RASGRF2: variants seen among roughly 807,000 people sequenced by gnomAD.
RASGRF2 encodes ras-specific guanine nucleotide-releasing factor 2.
In RASGRF2, 76 loss-of-function variants were observed where a neutral mutation model predicts 151.0. The ratio of observed to expected loss-of-function variants is 0.50; its 90% CI spans 0.42 to 0.61. The LOEUF is 0.61. Ranked by LOEUF, RASGRF2 falls within the 20% of genes least tolerant of loss-of-function variation. RASGRF2 has a pLI of 0.00. For missense variants in RASGRF2, 1,148 were observed against 1,564.6 expected, an observed-to-expected ratio of 0.73 and a Z score of 4.49; for synonymous variants, 504 against 566.5, an observed-to-expected ratio of 0.89 and a Z score of 1.57.
chr5:81,112,276 A>T (rs1753017036), intron 13 of RASGRF2, among the ~76,000 whole-genome samples: 1 of 152,252 alleles, frequency 6.6e-6, no homozygotes, highest in Non-Finnish European at 1.5e-5. Flanking sequence ...AAATTTTTAA[A>T]ATACAGGATA....
chr5:81,140,885 A>T (rs1455724030), intron 17 of RASGRF2, among the ~76,000 whole-genome samples: 1 of 152,054 alleles, frequency 6.6e-6, no homozygotes, highest in Non-Finnish European at 1.5e-5. Flanking sequence ...CTAAGTAGGG[A>T]TGGAGAGGTG....
chr5:81,194,908 G>A (rs1755229071), intron 18 of RASGRF2, among the ~76,000 whole-genome samples: 1 of 152,182 alleles, frequency 6.6e-6, no homozygotes, highest in Admixed American at 6.5e-5. Context: ...AGAGCTATGG[G>A]CTCCTTTTCA....
intron 1 of RASGRF2, among the ~76,000 whole-genome samples, chr5:80,962,556 TCTCAAA>T (rs1747596797): frequency 6.6e-6 from 1 of 152,096 alleles, no homozygotes; most frequent in Admixed American, 6.5e-5. Flanking sequence ...ATTTACTTAA[TCTCAAA>T]TTATTTGTTT....
intron 12 of RASGRF2, among the ~76,000 whole-genome samples, chr5:81,104,123 A>C (rs1752778150): frequency 6.6e-6 from 1 of 152,130 alleles, no homozygotes; most frequent in Non-Finnish European, 1.5e-5. Flanking sequence ...ATTGGAATGG[A>C]AAAAAAGAGG....
chr5:81,128,954 C>G lies in RASGRF2; in HGVS notation c.2686+1791C>G, dbSNP rs184870725. Among the ~76,000 whole-genome samples, 50 of 151,674 alleles carry G rather than the reference C, an allele frequency of 3.3e-4. No homozygotes were observed. The East Asian group carries it at 8.5e-3, about 26-fold the overall frequency. On this transcript the variant is annotated intron_variant, in intron 17 of 26. Transcript: ENST00000265080. The stretch of plus-strand genomic sequence containing the variant: ...AGGGGTTCAAGACCAGCCTGGCCAA[C>G]ATGATGAATCCCCATCTCTACTAAA...
At chr5:81,040,719 A>G (rs979631082) in intron 1 of RASGRF2, among the ~76,000 whole-genome samples, 9 of 152,090 alleles carry the variant, frequency 5.9e-5, no homozygotes, top group African/African-American at 2.2e-4. Flanking sequence ...TTGTTTCTAC[A>G]CCTGAGGATT....
At chr5:81,146,831 C>T (rs1754017718) in intron 17 of RASGRF2, among the ~76,000 whole-genome samples, 1 of 152,156 alleles carries the variant, frequency 6.6e-6, no homozygotes, top group Admixed American at 6.5e-5. Context: ...CACCCAAATT[C>T]AAAGTGTTAT....
intron 1 of RASGRF2, among the ~76,000 whole-genome samples, chr5:81,027,109 G>C (rs1750063132): frequency 6.6e-6 from 1 of 152,072 alleles, no homozygotes; most frequent in Non-Finnish European, 1.5e-5. Context: ...ATATTAGCCA[G>C]CTTGTGAAAC....
chr5:81,091,700 A>C (rs549759121), intron 9 of RASGRF2, among the ~76,000 whole-genome samples: 1 of 152,170 alleles, frequency 6.6e-6, no homozygotes, highest in Admixed American at 6.5e-5. Context: ...TATATGGAGA[A>C]CTTTAGTGGT....
In RASGRF2 at chr5:81,202,589, C is replaced by T. The variant is rs531733272; in HGVS notation, c.2906+1147C>T. On this transcript the variant is annotated intron_variant, in intron 19 of 26. Coordinates refer to ENST00000265080, the MANE Select transcript of RASGRF2 (RefSeq NM_006909.3). ...CAGGTAGAATTGTATCTCCCTACCCCCTAAAAGATATATTGAAGTCCTAGC... is the reference window on the plus strand; with the variant it reads ...CAGGTAGAATTGTATCTCCCTACCCTCTAAAAGATATATTGAAGTCCTAGC... 2.8e-4 allele frequency among the ~76,000 whole-genome samples: 43 copies of T among 152,262 alleles called. No homozygotes were observed. In the South Asian group the frequency reaches 4.6e-3, roughly 16 times the overall value.
chr5:81,102,140 AAG>A (rs1483326945), intron 12 of RASGRF2, among the ~76,000 whole-genome samples: 2 of 152,222 alleles, frequency 1.3e-5, no homozygotes, highest in Non-Finnish European at 2.9e-5. Context: ...CCATAGCAGA[AAG>A]CTTGTAAGCT....
At chr5:81,020,558 C>A (rs1749790768) in intron 1 of RASGRF2, among the ~76,000 whole-genome samples, 1 of 152,068 alleles carries the variant, frequency 6.6e-6, no homozygotes, top group Admixed American at 6.5e-5. Flanking sequence ...GAGGGTACCA[C>A]AGGACAGGGC....
In RASGRF2 at chr5:81,070,642, G is replaced by C. The variant is rs111647051; in HGVS notation, c.633+61G>C. On this transcript the variant is annotated intron_variant, in intron 4 of 26. Transcript: ENST00000265080. ...GGTGACCAGTCGTCTGTTCTATGGT[G>C]GTGTCTTTGCCACCCTGTGCGTGAG... is the stretch of plus-strand genomic sequence containing the variant. 1,580 of 1,440,046 alleles carry C rather than the reference G, an allele frequency of 1.1e-3. 21 individuals carry two copies. In the African/African-American group the frequency reaches 0.019, roughly 18 times the overall value. 89.2% of individuals were successfully genotyped at this position (1,440,046 alleles called of 1,614,324 possible). A position where few individuals can be genotyped will look rare whatever the true frequency, so the allele number is the denominator to read the frequency against.
chr5:81,160,441 G>A (rs1754355204), intron 17 of RASGRF2, among the ~76,000 whole-genome samples: 1 of 150,322 alleles, frequency 6.7e-6, no homozygotes, highest in Non-Finnish European at 1.5e-5. Flanking sequence ...AATAGCTGAG[G>A]CAGACAGATC....
chr5:81,148,699 G>A (rs1222007191), intron 17 of RASGRF2, among the ~76,000 whole-genome samples: 1 of 151,258 alleles, frequency 6.6e-6, no homozygotes, highest in Non-Finnish European at 1.5e-5. Context: ...GGGAGGGATA[G>A]CATTAGGAGA....
intron 12 of RASGRF2, among the ~76,000 whole-genome samples, chr5:81,100,449 C>T (rs565823156): frequency 5.9e-5 from 9 of 152,314 alleles, no homozygotes; most frequent in Admixed American, 1.3e-4. Context: ...TGATTAATCA[C>T]ACTCTTAGTT....
At chr5:81,154,771 T>C (rs1347746577) in intron 17 of RASGRF2, among the ~76,000 whole-genome samples, 1 of 152,206 alleles carries the variant, frequency 6.6e-6, no homozygotes, top group African/African-American at 2.4e-5. Flanking sequence ...GACATACTGG[T>C]TTCATTTCCT....
At chr5:81,099,460 C>T (rs898620880) in intron 12 of RASGRF2, among the ~76,000 whole-genome samples, 3 of 152,104 alleles carry the variant, frequency 2.0e-5, no homozygotes, top group African/African-American at 7.2e-5. Context: ...GGAGTTTTCC[C>T]CTTCTTTTAA....
intron 1 of RASGRF2, among the ~76,000 whole-genome samples, chr5:80,965,699 A>G (rs896583563): frequency 6.6e-6 from 1 of 152,218 alleles, no homozygotes; most frequent in African/African-American, 2.4e-5. Flanking sequence ...TTTGACAATT[A>G]AAAAATAGAG....
Sources: gnomAD v4.1 joint callset for allele counts (sites outside exome capture counted in the v4.1 genomes callset) on GRCh38, gnomAD v4.1.1 for gene constraint, MANE v1.5 for transcripts, NCBI Gene and HGNC (gene_info 2026-07-23, HGNC 2026-07-21) for gene names.